Variants in MLXIP observed in about 807,000 individuals in gnomAD.
The protein encoded by MLXIP is MLX interacting protein.
In MLXIP, 30 loss-of-function variants were observed where a neutral mutation model predicts 87.2. That is an observed-to-expected ratio of 0.34 (90% CI 0.26 to 0.47). The LOEUF (loss-of-function observed/expected upper bound fraction) is 0.47. Ranked by LOEUF, MLXIP falls within the 20% of genes least tolerant of loss-of-function variation. The pLI is 1.00. For synonymous variants in MLXIP, 530 were observed against 514.0 expected, an observed-to-expected ratio of 1.03 and a Z score of -0.42; for missense variants, 1,002 against 1,240.1, an observed-to-expected ratio of 0.81 and a Z score of 2.88.
chr12:122,099,802 G>A (rs1009105229), intron 1 of MLXIP, among the ~76,000 whole-genome samples: 1 of 152,186 alleles, frequency 6.6e-6, no homozygotes, highest in African/African-American at 2.4e-5. Context: ...GGAAATCCCA[G>A]CCCTGAAGGA....
intron 1 of MLXIP, among the ~76,000 whole-genome samples, chr12:122,100,668 C>G (rs578239609): frequency 4.6e-5 from 7 of 152,358 alleles, no homozygotes; most frequent in Admixed American, 2.6e-4. Context: ...ACTTGCTCAG[C>G]AGTGAGTTTC....
At chr12:122,083,655 C>T (rs1232394372) in intron 1 of MLXIP, among the ~76,000 whole-genome samples, 2 of 152,160 alleles carry the variant, frequency 1.3e-5, no homozygotes, top group African/African-American at 4.8e-5. Flanking sequence ...CTCAGGTGAT[C>T]TGCCTGCCTC....
At chr12:122,092,617 C>T (rs1422537977) in intron 1 of MLXIP, among the ~76,000 whole-genome samples, 1 of 152,234 alleles carries the variant, frequency 6.6e-6, no homozygotes, top group East Asian at 1.9e-4. Context: ...GGTATATTCT[C>T]CATTTTGTGA....
intron 1 of MLXIP, among the ~76,000 whole-genome samples, chr12:122,092,116 G>C (rs763351956): frequency 8.0e-5 from 11 of 136,882 alleles, no homozygotes; most frequent in Non-Finnish European, 1.4e-4. Context: ...TCTTTTCTTT[G>C]AGACAGGATC....
At chr12:122,109,434 C>G (rs1952569546) in intron 1 of MLXIP, among the ~76,000 whole-genome samples, 1 of 151,860 alleles carries the variant, frequency 6.6e-6, no homozygotes, top group African/African-American at 2.4e-5. Context: ...GAACTCCTGG[C>G]CTTAAGCGAT....
chr12:122,138,858 C>T lies in MLXIP; in HGVS notation c.2428C>T (p.Arg810Trp), dbSNP rs772092983. 21 of 1,613,924 alleles carry T rather than the reference C, an allele frequency of 1.3e-5. No homozygotes were observed. The highest frequency in any genetic ancestry group is 5.0e-5 in the Admixed American group (3 of 60,002). ...LLPATGVPVT[R>W]RQFDHMKDMF... ...CCCTGCCACGGGAGTCCCCGTTACCCGGCGCCAGTTTGATCACATGAAAGA... is the reference window on the plus strand; with the variant it reads ...CCCTGCCACGGGAGTCCCCGTTACCTGGCGCCAGTTTGATCACATGAAAGA... The change falls in exon 15 of 17, where the codon CGG (arginine) becomes TGG (tryptophan). Residue 810 changes from arginine to tryptophan, a missense_variant. Physicochemically the swap from Arg to Trp is moderately radical, Grantham distance 101. Around this residue, in one of 3 missense-constraint regions of MLXIP, gnomAD observed 746 missense variants for 897.0 expected, o/e 0.83. Coordinates refer to ENST00000319080, the MANE Select transcript of MLXIP (RefSeq NM_014938.6).
chr12:122,137,648 A>G lies in MLXIP; in HGVS notation c.2154+58A>G, dbSNP rs1033855477. ...GGAGGGGAGAGGAGTGCAGGACATCAAGGATCTGTGTCTTGTCTGGAACGG... is the reference window on the plus strand; with the variant it reads ...GGAGGGGAGAGGAGTGCAGGACATCGAGGATCTGTGTCTTGTCTGGAACGG... On this transcript the variant is annotated intron_variant, in intron 12 of 16. Transcript: ENST00000319080. This position sits in a 1 kb window ranked among gnomAD's most constrained non-coding sequence, Gnocchi z 4.1. 1 of 1,564,956 alleles carries G rather than the reference A, an allele frequency of 6.4e-7. No individual in the cohort carries two copies.
Position 122,094,097 on chromosome 12 carries a change from GGTGT to G in MLXIP, c.413+14839_413+14842del, listed in dbSNP as rs1270688217. ...GGTGTGGTGTGTTGGTGTGTGTGGTGGTGTGTGTGTGGTGTGTTGTGTGTGTTGG... is the reference window on the plus strand; with the variant it reads ...GGTGTGGTGTGTTGGTGTGTGTGGTGGTGTGTGGTGTGTTGTGTGTGTTGG... On this transcript the variant is annotated intron_variant, in intron 1 of 16. Transcript: ENST00000319080. 5.5e-5 allele frequency among the ~76,000 whole-genome samples: 8 copies of G among 144,948 alleles called. No individual in the cohort carries two copies. In the East Asian group the frequency reaches 1.7e-3, roughly 31 times the overall value.
At chr12:122,091,761 C>A (rs148525445) in intron 1 of MLXIP, among the ~76,000 whole-genome samples, 1 of 152,198 alleles carries the variant, frequency 6.6e-6, no homozygotes, top group South Asian at 2.1e-4. Flanking sequence ...CAATGACAGG[C>A]GGTAGGGAGT....
intron 1 of MLXIP, among the ~76,000 whole-genome samples, chr12:122,084,028 C>T (rs1184301286): frequency 6.6e-6 from 1 of 152,176 alleles, no homozygotes; most frequent in African/African-American, 2.4e-5. Flanking sequence ...AACACAGTCT[C>T]TCTCCTCAAG....
intron 3 of MLXIP, chr12:122,128,668 G>GC (rs1348877329): frequency 1.3e-5 from 2 of 158,516 alleles, no homozygotes; most frequent in African/African-American, 4.8e-5. Context: ...AGGCTGTCAT[G>GC]CAAGGCATCC....
Position 122,137,351 on chromosome 12 carries a change from C to T in MLXIP, c.2033-118C>T. The T allele has an allele frequency of 9.1e-7, 1 of 1,104,846 alleles. No homozygotes were observed. The highest frequency in any genetic ancestry group is 2.9e-4 in the Middle Eastern group (1 of 3,444). The allele number at this position is 1,104,846 out of a possible 1,614,324, so 68.4% of individuals were successfully genotyped here. On this transcript the variant is annotated intron_variant, in intron 11 of 16. Coordinates refer to ENST00000319080, the MANE Select transcript of MLXIP (RefSeq NM_014938.6). The surrounding 1 kb of genome is among the most constrained non-coding windows in gnomAD (Gnocchi z 4.1). The stretch of plus-strand genomic sequence containing the variant: ...AAGCATGTGTGTGCAGTTGAAAGAA[C>T]CAAGTGCAATACGTGGCTAGCAGCG...
At chr12:122,094,077 GGTGTGTTGGTGT>G (rs1243180964) in intron 1 of MLXIP, among the ~76,000 whole-genome samples, 1 of 145,222 alleles carries the variant, frequency 6.9e-6, no homozygotes, top group Non-Finnish European at 1.5e-5. Flanking sequence ...TGTCTGGTGT[GGTGTGTTGGTGT>G]GTGTGGTGGT....
chr12:122,143,349 C>T lies in MLXIP; in HGVS notation c.*1537C>T, dbSNP rs1953244509. The T allele has an allele frequency of 6.6e-6, 1 of 152,478 alleles. No individual in the cohort carries two copies. Among genetic ancestry groups the T allele is most frequent in the Admixed American group, 6.5e-5 (1 of 15,296 alleles). 9.4% of individuals were successfully genotyped at this position (152,478 alleles called of 1,614,324 possible). ...CCCACTTCAGGCCTCCGGCCAGCTG[C>T]CTGCCCTCTTGTCTGTGCTTCAGCC... On this transcript the variant is annotated 3_prime_UTR_variant, in exon 17 of 17. Transcript: ENST00000319080.
intron 1 of MLXIP, among the ~76,000 whole-genome samples, chr12:122,122,894 T>C (rs1952807548): frequency 6.6e-6 from 1 of 150,684 alleles, no homozygotes; most frequent in Non-Finnish European, 1.5e-5. Context: ...GGTCTTGTTA[T>C]ATTGCCCAGG....
chr12:122,098,162 G>A (rs1460030820), intron 1 of MLXIP, among the ~76,000 whole-genome samples: 2 of 152,240 alleles, frequency 1.3e-5, no homozygotes, highest in African/African-American at 4.8e-5. Flanking sequence ...TTTGTGGGGT[G>A]TTGGAGATGA....
Position 122,133,247 on chromosome 12 carries a change from C to T in MLXIP, c.1093-101C>T, listed in dbSNP as rs948199716. Reference sequence around the variant, plus strand: ...GGAGACGTGGCCTTTGTCCCTCTGTCCCAGCGCCCGGCCTGTGTAGTTGGA... The same window carrying T: ...GGAGACGTGGCCTTTGTCCCTCTGTTCCAGCGCCCGGCCTGTGTAGTTGGA... On this transcript the variant is annotated intron_variant, in intron 8 of 16. Coordinates refer to ENST00000319080, the MANE Select transcript of MLXIP (RefSeq NM_014938.6). The surrounding 1 kb of genome is among the most constrained non-coding windows in gnomAD (Gnocchi z 4.9). 4.3e-6 allele frequency: 6 copies of T among 1,393,390 alleles called. No individual in the cohort carries two copies. The African/African-American group carries it at 8.6e-5, about 20-fold the overall frequency. The allele number at this position is 1,393,390 out of a possible 1,614,324, so 86.3% of individuals were successfully genotyped here.
chr12:122,141,542 C>A (rs942435536), intron 16 of MLXIP, 149 bp from the exon 17 acceptor site: 7 of 1,282,566 alleles, frequency 5.5e-6, no homozygotes, highest in Non-Finnish European at 7.2e-6. Flanking sequence ...GTCTCGGTGT[C>A]GGCCCCTGGC....
intron 8 of MLXIP, 107 bp downstream of exon 8, chr12:122,132,490 A>G (rs748980155): frequency 5.6e-5 from 48 of 863,696 alleles, no homozygotes; most frequent in Non-Finnish European, 7.9e-5. Context: ...CACAGTCACC[A>G]GCAAAGCGCC....
Sources: gnomAD v4.1 joint callset for allele counts (sites outside exome capture counted in the v4.1 genomes callset) on GRCh38, gnomAD v4.1.1 for gene constraint, gnomAD v4.1.1 regional missense constraint, Gnocchi (gnomAD v3.1) non-coding constraint, MANE v1.5 for transcripts, NCBI Gene and HGNC (gene_info 2026-07-23, HGNC 2026-07-21) for gene names.